ZNF782: variants seen among roughly 807,000 people sequenced by gnomAD.
ZNF782 encodes zinc finger protein 782.
A neutral mutation model predicts 13.0 loss-of-function variants in ZNF782; 12 were observed. The observed-to-expected ratio is 0.92, with a 90% CI of 0.59 to 1.50. The LOEUF (loss-of-function observed/expected upper bound fraction) is 1.50. Among genes scored for constraint, ZNF782 ranks in the 40% most tolerant of loss-of-function variants. The pLI is 0.00. For synonymous variants in ZNF782, 284 were observed against 283.0 expected, an observed-to-expected ratio of 1.00 and a Z score of -0.04; for missense variants, 770 against 822.9, an observed-to-expected ratio of 0.94 and a Z score of 0.79.
chr9:96,880,860 C>A, the ZNF782 span, among the ~76,000 whole-genome samples: 2 of 152,104 alleles, frequency 1.3e-5, no homozygotes, highest in East Asian at 3.8e-4. Context: ...AAACTGATGT[C>A]ATTTCATCTT....
At chr9:96,849,914 A>T (rs116843087) in intron 3 of ZNF782, among the ~76,000 whole-genome samples, 1 of 152,182 alleles carries the variant, frequency 6.6e-6, no homozygotes, top group Non-Finnish European at 1.5e-5. Context: ...AAAATGCTCA[A>T]CATCGCTAAT....
chr9:96,925,163 C>T, the ZNF782 span, among the ~76,000 whole-genome samples: 33 of 152,288 alleles, frequency 2.2e-4, no homozygotes, highest in Admixed American at 9.1e-4. Context: ...TGAGGGCGGC[C>T]GGCTGCGCGC....
upstream of ZNF782, among the ~76,000 whole-genome samples, chr9:96,855,659 A>C (rs967743415): frequency 6.6e-6 from 1 of 152,160 alleles, no homozygotes; most frequent in Admixed American, 6.5e-5. Flanking sequence ...TTGTTGATTG[A>C]TGGGTATTTG....
At chr9:96,874,134 A>C (rs1421534554) in intron 1 of ZNF782, among the ~76,000 whole-genome samples, 2 of 152,230 alleles carry the variant, frequency 1.3e-5, no homozygotes, top group African/African-American at 4.8e-5. Flanking sequence ...CATCAATACA[A>C]AAGAACAAGC....
chr9:96,823,340 G>A (rs938291577), intron 5 of ZNF782, among the ~76,000 whole-genome samples: 3 of 152,208 alleles, frequency 2.0e-5, no homozygotes, highest in Non-Finnish European at 4.4e-5. Context: ...TGAAATCAAA[G>A]AGGTAAATTA....
At chr9:96,866,173 G>A (rs946080751) in intron 1 of ZNF782, among the ~76,000 whole-genome samples, 1 of 152,184 alleles carries the variant, frequency 6.6e-6, no homozygotes. Context: ...AATGTCTCCA[G>A]GGCATGTCAG....
the ZNF782 span, among the ~76,000 whole-genome samples, chr9:96,881,354 GTTAAT>G: frequency 2.6e-5 from 4 of 151,508 alleles, no homozygotes; most frequent in Non-Finnish European, 4.4e-5. Context: ...AACTTACATT[GTTAAT>G]TTGAGACTTT....
chr9:96,931,945 C>T, the ZNF782 span: 25 of 1,611,830 alleles, frequency 1.6e-5, no homozygotes, highest in East Asian at 1.1e-4. Context: ...GGGCTTCCAA[C>T]GTCTTTGTCC....
chr9:96,893,673 T>C, the ZNF782 span: 1 of 151,126 alleles, frequency 6.6e-6, no homozygotes, highest in Non-Finnish European at 1.5e-5. Context: ...ATGTGGCACA[T>C]ATACACCATG....
the ZNF782 span, among the ~76,000 whole-genome samples, chr9:96,903,556 G>GTTTTTT: frequency 1.3e-3 from 96 of 75,462 alleles, 2 homozygotes; most frequent in East Asian, 2.7e-3. Flanking sequence ...TTTTATGTTG[G>GTTTTTT]TTTTTTTTTT....
chr9:96,929,411 C>G, the ZNF782 span, among the ~76,000 whole-genome samples: 4 of 151,586 alleles, frequency 2.6e-5, no homozygotes, highest in African/African-American at 9.7e-5. Context: ...TGTCTTCAGG[C>G]ACCTGGAAGG....
chr9:96,929,858 C>T, the ZNF782 span, among the ~76,000 whole-genome samples: 2 of 151,710 alleles, frequency 1.3e-5, no homozygotes, highest in East Asian at 3.9e-4. Context: ...TATACTACCT[C>T]ATGAACGGGC....
At chr9:96,920,720 C>A in the ZNF782 span, among the ~76,000 whole-genome samples, 4 of 148,642 alleles carry the variant, frequency 2.7e-5, no homozygotes, top group Non-Finnish European at 6.0e-5. Context: ...TCGAGACCAG[C>A]CTGACCAACA....
the ZNF782 span, among the ~76,000 whole-genome samples, chr9:96,911,589 C>T: frequency 1.2e-4 from 18 of 144,504 alleles, no homozygotes; most frequent in African/African-American, 4.6e-4. Context: ...GGCGCGATCT[C>T]GGCTCACTGC....
chr9:96,866,827 G>A (rs1851759733), intron 1 of ZNF782, among the ~76,000 whole-genome samples: 1 of 152,242 alleles, frequency 6.6e-6, no homozygotes, highest in Non-Finnish European at 1.5e-5. Flanking sequence ...AGTCAAAGGA[G>A]ATCACTCTGG....
the ZNF782 span, among the ~76,000 whole-genome samples, chr9:96,931,087 C>A: frequency 6.6e-6 from 1 of 151,780 alleles, no homozygotes; most frequent in Non-Finnish European, 1.5e-5. Flanking sequence ...GGGGTTTCAC[C>A]ACGTTGGCCA....
At chr9:96,837,681 A>AT (rs1851044373) in intron 4 of ZNF782, among the ~76,000 whole-genome samples, 1 of 151,804 alleles carries the variant, frequency 6.6e-6, no homozygotes, top group Non-Finnish European at 1.5e-5. Context: ...TTTCCATCTT[A>AT]TTGTTGGTTT....
the ZNF782 span, among the ~76,000 whole-genome samples, chr9:96,886,184 A>G: frequency 6.6e-6 from 1 of 150,882 alleles, no homozygotes; most frequent in African/African-American, 2.5e-5. Flanking sequence ...GCTGGAAGAA[A>G]GTAGAAAGCA....
chr9:96,848,986 A>G (rs905724640), intron 3 of ZNF782, among the ~76,000 whole-genome samples: 2 of 152,226 alleles, frequency 1.3e-5, no homozygotes, highest in Non-Finnish European at 2.9e-5. Context: ...ACACAGACCA[A>G]TGGAACAGAA....
Sources: gnomAD v4.1 joint callset for allele counts (sites outside exome capture counted in the v4.1 genomes callset) on GRCh38, gnomAD v4.1.1 for gene constraint, MANE v1.5 for transcripts, NCBI Gene and HGNC (gene_info 2026-07-23, HGNC 2026-07-21) for gene names.